The following MFSD11 variants were observed in gnomAD, a reference collection of about 807,000 sequenced individuals.
MFSD11 encodes the protein major facilitator superfamily domain containing 11.
Under a neutral mutation model 53.5 loss-of-function variants are expected in MFSD11, and 36 were observed. That is an observed-to-expected ratio of 0.67 (90% CI 0.52 to 0.89). The LOEUF is 0.89. Ranked by LOEUF, MFSD11 falls within the 40% of genes least tolerant of loss-of-function variation. MFSD11 has a pLI of 0.00. For missense variants in MFSD11, 530 were observed against 543.9 expected, an observed-to-expected ratio of 0.97 and a Z score of 0.25; for synonymous variants, 186 against 184.9, an observed-to-expected ratio of 1.01 and a Z score of -0.05.
In MFSD11 at chr17:76,738,414, T is replaced by C. The variant is rs776277315; in HGVS notation, c.62T>C (p.Met21Thr). 1 of 1,614,084 alleles carries C rather than the reference T, an allele frequency of 6.2e-7. No individual in the cohort carries two copies. The highest frequency in any genetic ancestry group is 1.3e-5 in the African/African-American group (1 of 74,950). The change falls in exon 1 of 13, where the codon ATG becomes ACG. Residue 21 changes from methionine (M) to threonine (T), a missense_variant. Physicochemically the swap from Met to Thr is moderately conservative, Grantham distance 81 (BLOSUM62 -1). Coordinates refer to ENST00000685175, the MANE Select transcript of MFSD11 (RefSeq NM_001242532.5). ...IIILGVAFMFMFTAFQTCGNV... is the reference protein window; with the variant it reads ...IIILGVAFMFTFTAFQTCGNV... ...ATTTTAGGAGTTGCCTTTATGTTTA[T>C]GTTCACTGCCTTTCAAACTTGTGGA...
intron 8 of MFSD11, among the ~76,000 whole-genome samples, chr17:76,766,316 G>A (rs915503005): frequency 1.3e-5 from 2 of 151,376 alleles, no homozygotes; most frequent in African/African-American, 4.9e-5. Context: ...CTACTCAGGA[G>A]GCTGAGGCAG....
intron 2 of MFSD11, among the ~76,000 whole-genome samples, chr17:76,739,980 C>T (rs1568039039): frequency 6.6e-6 from 1 of 151,050 alleles, no homozygotes; most frequent in East Asian, 1.9e-4. Flanking sequence ...TCGTGGCTAA[C>T]ACGGTGAAAC....
the MFSD11 span, among the ~76,000 whole-genome samples, chr17:76,794,391 T>A: frequency 3.9e-3 from 588 of 150,048 alleles, 20 homozygotes; most frequent in African/African-American, 0.014. Flanking sequence ...GCAGGAGAAT[T>A]GCTTGAACCC....
At position 76,776,466 on chromosome 17, in the gene MFSD11, C is replaced by T. The variant is rs78943901; in HGVS notation, c.1110C>T (p.Thr370=). The change falls in exon 12 of 13, where the codon ACC becomes ACT. Residue 370 remains threonine (T), a synonymous_variant. Transcript: ENST00000685175. The surrounding 1 kb of genome is among the most constrained non-coding windows in gnomAD (Gnocchi z 4.2). The part of the protein sequence containing the change: ...LLGLGDSCFN[T]QLLSILGFLY... Reference sequence around the variant, plus strand: ...GCCTTGGAGACAGCTGCTTTAATACCCAGCTGCTTAGTATCTTGGGCTTTC... The same window carrying T: ...GCCTTGGAGACAGCTGCTTTAATACTCAGCTGCTTAGTATCTTGGGCTTTC... 1.4e-3 allele frequency: 2,185 copies of T among 1,613,758 alleles called. 27 individuals are homozygous for T. The African/African-American group carries it at 0.025, about 18-fold the overall frequency.
intron 7 of MFSD11, chr17:76,748,090 G>A (rs1007503924): frequency 6.7e-6 from 1 of 149,464 alleles, no homozygotes; most frequent in Non-Finnish European, 1.5e-5. Context: ...GTGAAAGAGG[G>A]GGAGAGTGGG....
chr17:76,788,429 G>C, the MFSD11 span, among the ~76,000 whole-genome samples: 1 of 148,790 alleles, frequency 6.7e-6, no homozygotes, highest in Non-Finnish European at 1.5e-5. Flanking sequence ...GCAATGGCAT[G>C]ATCTTGGCTC....
Position 76,742,270 on chromosome 17 carries a change from C to G in MFSD11, c.434C>G (p.Ser145Cys), listed in dbSNP as rs1336842761. Residue 145 changes from serine (S) to cysteine (C), a missense_variant, in exon 5 of 13, where the codon TCT becomes TGT. Transcript: ENST00000685175. ...NSGIFWALLQ[S>C]SLFFGNLYIY... ...GGGATTTTCTGGGCACTTCTGCAGT[C>G]TAGGTAATTATCCTTTTGAGGTTCA... 2.5e-6 allele frequency: 4 copies of G among 1,611,692 alleles called. No homozygotes were observed. The highest frequency in any genetic ancestry group is 3.4e-6 in the Non-Finnish European group (4 of 1,177,914).
chr17:76,786,144 A>AT (rs1158677966), downstream of MFSD11, among the ~76,000 whole-genome samples: 7,645 of 130,882 alleles, frequency 0.058, 538 homozygotes, highest in East Asian at 0.35. Flanking sequence ...AGCTCTTCTA[A>AT]TTTTTTTTTT....
intron 7 of MFSD11, among the ~76,000 whole-genome samples, chr17:76,750,468 C>G (rs1337599763): frequency 1.3e-5 from 2 of 151,154 alleles, no homozygotes; most frequent in Non-Finnish European, 1.5e-5. Context: ...CGCCATTCTC[C>G]TGTCTCAGCC....
intron 8 of MFSD11, among the ~76,000 whole-genome samples, chr17:76,760,526 T>C (rs894041399): frequency 6.8e-6 from 1 of 146,328 alleles, no homozygotes; most frequent in African/African-American, 2.8e-5. Context: ...CAGTTTTCTT[T>C]CTTTTTTTTT....
chr17:76,755,831 T>A (rs2079559552), intron 8 of MFSD11, among the ~76,000 whole-genome samples: 1 of 84,462 alleles, frequency 1.2e-5, no homozygotes, highest in Non-Finnish European at 2.4e-5. Context: ...TTTTTTTTTT[T>A]TTTTTTTTTG....
At position 76,774,854 on chromosome 17, in the gene MFSD11, G is replaced by A. The variant is rs190669209; in HGVS notation, c.875-143G>A. On this transcript the variant is annotated intron_variant, in intron 10 of 12. Transcript: ENST00000685175. ...TTGATGCTTGGTCATCATTATCATT[G>A]TCTGCAAGTGCTGAGGTGTTGGGTT... 7 of 739,354 alleles carry A rather than the reference G, an allele frequency of 9.5e-6. No homozygotes were observed. In the African/African-American group the frequency reaches 1.1e-4, roughly 11 times the overall value. 45.8% of individuals were successfully genotyped at this position (739,354 alleles called of 1,614,324 possible).
intron 7 of MFSD11, among the ~76,000 whole-genome samples, chr17:76,748,387 A>G (rs1411385087): frequency 6.6e-6 from 1 of 152,118 alleles, no homozygotes; most frequent in East Asian, 1.9e-4. Flanking sequence ...GTCCAAAGAG[A>G]CAGCTCTGTC....
the MFSD11 span, among the ~76,000 whole-genome samples, chr17:76,798,602 G>A: frequency 6.6e-6 from 1 of 152,140 alleles, no homozygotes; most frequent in Non-Finnish European, 1.5e-5. Context: ...GCTTGTAGGA[G>A]TTCTGTGCCA....
chr17:76,774,676 A>G lies in MFSD11; in HGVS notation c.875-321A>G, dbSNP rs2081653579. Among the ~76,000 whole-genome samples, 6 of 152,220 alleles carry G rather than the reference A, an allele frequency of 3.9e-5. No individual in the cohort carries two copies. In the South Asian group the frequency reaches 1.0e-3, roughly 26 times the overall value. Reference sequence around the variant, plus strand: ...ATGATTGCAACAAAAACGTGGTCATAATGACAAGTTGTGTCCTTATTTTAT... The same window carrying G: ...ATGATTGCAACAAAAACGTGGTCATGATGACAAGTTGTGTCCTTATTTTAT... On this transcript the variant is annotated intron_variant, in intron 10 of 12. Transcript: ENST00000685175.
At chr17:76,796,602 C>G in the MFSD11 span, among the ~76,000 whole-genome samples, 1 of 152,128 alleles carries the variant, frequency 6.6e-6, no homozygotes, top group Non-Finnish European at 1.5e-5. Context: ...AGTAAGGTCT[C>G]AGTCCCACAA....
At chr17:76,743,965 G>T (rs9913333) in intron 6 of MFSD11, among the ~76,000 whole-genome samples, 5 of 152,112 alleles carry the variant, frequency 3.3e-5, no homozygotes, top group African/African-American at 9.7e-5. Flanking sequence ...GCTTTAAGGG[G>T]CTTCTCAGGG....
At chr17:76,788,527 G>A in the MFSD11 span, among the ~76,000 whole-genome samples, 888 of 148,540 alleles carry the variant, frequency 6.0e-3, 58 homozygotes, top group Non-Finnish European at 8.0e-3. Context: ...CACCACGCCC[G>A]GCTAATTTTT....
intron 10 of MFSD11, among the ~76,000 whole-genome samples, chr17:76,771,355 A>G (rs1323974417): frequency 6.6e-6 from 1 of 152,234 alleles, no homozygotes; most frequent in Non-Finnish European, 1.5e-5. Flanking sequence ...ATGTATTTTT[A>G]TTATGCTCCA....
Sources: gnomAD v4.1 joint callset for allele counts (sites outside exome capture counted in the v4.1 genomes callset) on GRCh38, gnomAD v4.1.1 for gene constraint, Gnocchi (gnomAD v3.1) non-coding constraint, MANE v1.5 for transcripts, NCBI Gene and HGNC (gene_info 2026-07-23, HGNC 2026-07-21) for gene names.